The following ARHGEF28 variants were observed in gnomAD, a reference collection of about 807,000 sequenced individuals.
ARHGEF28 encodes the protein 190 kDa guanine nucleotide exchange factor.
A neutral mutation model predicts 206.6 loss-of-function variants in ARHGEF28; 152 were observed. The ratio of observed to expected loss-of-function variants is 0.74; its 90% CI spans 0.64 to 0.84. ARHGEF28 has a LOEUF of 0.84. ARHGEF28 is among the 40% of genes least tolerant of loss of function. The probability of loss-of-function intolerance (pLI) is 0.00; values close to 1 mark genes in which losing one functional copy is unlikely to be tolerated. For synonymous variants in ARHGEF28, 763 were observed against 776.4 expected, an observed-to-expected ratio of 0.98 and a Z score of 0.29; for missense variants, 2,028 against 2,073.2, an observed-to-expected ratio of 0.98 and a Z score of 0.42.
intron 16 of ARHGEF28, chr5:73,863,304 T>C (rs1407272083): frequency 6.6e-6 from 1 of 152,228 alleles, no homozygotes; most frequent in Non-Finnish European, 1.5e-5. Flanking sequence ...TTCTTGTCTA[T>C]GGTGGCTTTG....
chr5:73,787,206 A>G (rs58930222), intron 7 of ARHGEF28, among the ~76,000 whole-genome samples: 10,411 of 152,238 alleles, frequency 0.068, 1,184 homozygotes, highest in African/African-American at 0.23. Context: ...AGACAGCAGT[A>G]CTAGGCAGGC....
chr5:73,901,299 T>C lies in ARHGEF28; in HGVS notation c.4074+15T>C. 6.2e-7 allele frequency: 1 copy of C among 1,608,150 alleles called. No homozygotes were observed. The highest frequency in any genetic ancestry group is 8.5e-7 in the Non-Finnish European group (1 of 1,176,096). ...CAGGGGAGAAGGTATTGTGAACTGATTTGTTAGTAAACGGCAGCGGTTACT... is the reference window on the plus strand; with the variant it reads ...CAGGGGAGAAGGTATTGTGAACTGACTTGTTAGTAAACGGCAGCGGTTACT... On this transcript the variant is annotated intron_variant, in intron 31 of 35. Coordinates refer to ENST00000513042, the MANE Select transcript of ARHGEF28 (RefSeq NM_001177693.2).
At chr5:73,830,495 A>G (rs912152726) in intron 9 of ARHGEF28, among the ~76,000 whole-genome samples, 1 of 151,030 alleles carries the variant, frequency 6.6e-6, no homozygotes, top group African/African-American at 2.4e-5. Flanking sequence ...TGGAGCTTGC[A>G]GTGAGCCGAG....
At chr5:73,658,413 C>T (rs1745366669) in intron 1 of ARHGEF28, among the ~76,000 whole-genome samples, 1 of 152,068 alleles carries the variant, frequency 6.6e-6, no homozygotes. Context: ...TTTGAACACA[C>T]CAGAGAAGAA....
chr5:73,667,700 T>C (rs1420938546), intron 1 of ARHGEF28, among the ~76,000 whole-genome samples: 1 of 152,218 alleles, frequency 6.6e-6, no homozygotes, highest in Non-Finnish European at 1.5e-5. Context: ...CTTTATGTTG[T>C]ATGTTCCTTT....
chr5:73,790,532 G>A (rs899618559), intron 7 of ARHGEF28, among the ~76,000 whole-genome samples: 1 of 152,114 alleles, frequency 6.6e-6, no homozygotes, highest in South Asian at 2.1e-4. Flanking sequence ...GACCAGTGGA[G>A]CTTGTTGAAT....
intron 22 of ARHGEF28, among the ~76,000 whole-genome samples, chr5:73,880,800 G>T (rs2931412): frequency 6.6e-6 from 1 of 151,782 alleles, no homozygotes; most frequent in African/African-American, 2.4e-5. Flanking sequence ...TGGCGTGGTG[G>T]TATGCACTTG....
chr5:73,653,292 A>G (rs948286985), intron 1 of ARHGEF28, among the ~76,000 whole-genome samples: 10 of 152,228 alleles, frequency 6.6e-5, no homozygotes, highest in African/African-American at 2.4e-4. Context: ...ACAAAATTAA[A>G]TTATTTTGGA....
intron 9 of ARHGEF28, 22 bp from the exon 10 acceptor site, chr5:73,832,314 CCT>C: frequency 1.2e-6 from 2 of 1,610,028 alleles, no homozygotes; most frequent in Non-Finnish European, 1.7e-6. Flanking sequence ...CTTTATTTGC[CCT>C]GTTTTCATTT....
chr5:73,937,305 C>T (rs913634894), intron 35 of ARHGEF28, among the ~76,000 whole-genome samples: 76 of 152,252 alleles, frequency 5.0e-4, no homozygotes, highest in African/African-American at 1.5e-3. Flanking sequence ...ATCGAAGTTT[C>T]CTGCAGAGGC....
intron 30 of ARHGEF28, chr5:73,900,679 C>A (rs1159076520): frequency 1.3e-5 from 2 of 152,804 alleles, no homozygotes; most frequent in Non-Finnish European, 2.9e-5. Context: ...TCTCCGCCTT[C>A]CTAGAAAGAT....
chr5:73,695,809 T>C (rs890003021), intron 2 of ARHGEF28, among the ~76,000 whole-genome samples: 3 of 152,110 alleles, frequency 2.0e-5, no homozygotes, highest in Non-Finnish European at 4.4e-5. Flanking sequence ...GGTGAAGACT[T>C]TATCATGTCT....
Position 73,780,729 on chromosome 5 carries a change from T to C in ARHGEF28, c.894T>C (p.Gly298=). 6.4e-7 allele frequency: 1 copy of C among 1,558,434 alleles called. No individual in the cohort carries two copies. The highest frequency in any genetic ancestry group is 8.7e-7 in the Non-Finnish European group (1 of 1,150,808). Reference sequence around the variant, plus strand: ...AAAGAACAGCTATGCCCTCCAGCGGTGCAGAAACTGAAGAAGGTACGCATG... The same window carrying C: ...AAAGAACAGCTATGCCCTCCAGCGGCGCAGAAACTGAAGAAGGTACGCATG... ...PEERTAMPSS[G]AETEEEIKNS... is the part of the protein sequence containing the mutation. Residue 298 remains glycine, a synonymous_variant, in exon 7 of 36, where the codon GGT becomes GGC. Transcript: ENST00000513042.
chr5:73,809,391 G>T (rs1023766515), intron 9 of ARHGEF28, among the ~76,000 whole-genome samples: 3 of 152,012 alleles, frequency 2.0e-5, no homozygotes, highest in Non-Finnish European at 2.9e-5. Flanking sequence ...GATTCCATTC[G>T]CTATGAGACA....
At chr5:73,918,364 G>A (rs188471491) in intron 35 of ARHGEF28, among the ~76,000 whole-genome samples, 1 of 151,718 alleles carries the variant, frequency 6.6e-6, no homozygotes. Context: ...TACCCCAGAG[G>A]CTGGTTTCCA....
In ARHGEF28 at chr5:73,892,046, A is replaced by T; in HGVS notation, c.3388-6A>T. ...TTTCATCTGCTCACCTTCCTATTTT[A>T]TGTAGGATCAGAAGCCATCAGTTAT... On this transcript the variant is annotated splice_polypyrimidine_tract_variant and splice_region_variant and intron_variant, in intron 26 of 35. Transcript: ENST00000513042. 1 of 1,595,876 alleles carries T rather than the reference A, an allele frequency of 6.3e-7. No individual in the cohort carries two copies. Among genetic ancestry groups the T allele is most frequent in the South Asian group, 1.1e-5 (1 of 87,484 alleles).
At position 73,669,261 on chromosome 5, in the gene ARHGEF28, A is replaced by C. The variant is rs1580461285; in HGVS notation, c.-11-15580A>C. Among the ~76,000 whole-genome samples, 4 of 152,352 alleles carry C rather than the reference A, an allele frequency of 2.6e-5. No homozygotes were observed. The Middle Eastern group carries it at 0.01, about 389-fold the overall frequency. On this transcript the variant is annotated intron_variant, in intron 1 of 35. Coordinates refer to ENST00000513042, the MANE Select transcript of ARHGEF28 (RefSeq NM_001177693.2). ...TCAGTAGTAGCAAACTCATTGGAAA[A>C]TGTAAATAATAATACTAAAAAAGAA...
chr5:73,860,150 C>T (rs72772535), intron 16 of ARHGEF28, among the ~76,000 whole-genome samples: 1,874 of 152,226 alleles, frequency 0.012, 20 homozygotes, highest in East Asian at 0.021. Context: ...ACTGGGTACG[C>T]GCAGAAATTA....
intron 14 of ARHGEF28, among the ~76,000 whole-genome samples, chr5:73,857,055 T>C (rs1280936378): frequency 6.6e-6 from 1 of 152,182 alleles, no homozygotes; most frequent in Non-Finnish European, 1.5e-5. Flanking sequence ...TTGCTTCTTA[T>C]TTTATGGAGT....
Sources: allele counts gnomAD v4.1 joint callset (sites outside exome capture counted in the v4.1 genomes callset), GRCh38; gene constraint gnomAD v4.1.1; transcripts MANE v1.5; gene names NCBI Gene and HGNC (gene_info 2026-07-23, HGNC 2026-07-21).